The following ANKRD24 variants were observed in gnomAD, a reference collection of about 807,000 sequenced individuals.
ANKRD24 encodes the protein ankyrin repeat domain 24, also known as ankyrin repeat domain-containing protein 24.
A neutral mutation model predicts 127.8 loss-of-function variants in ANKRD24; 109 were observed. That is an observed-to-expected ratio of 0.85 (90% CI 0.73 to 1.00). The LOEUF is 1.00. Ranked by LOEUF, ANKRD24 falls within the 50% of genes least tolerant of loss-of-function variation. The pLI is 0.00. For synonymous variants in ANKRD24, 743 were observed against 671.1 expected, an observed-to-expected ratio of 1.11 and a Z score of -1.66; for missense variants, 1,648 against 1,570.2, an observed-to-expected ratio of 1.05 and a Z score of -0.84.
At chr19:4,222,558 C>T (rs185969460) in intron 19 of ANKRD24, 112 bp from the exon 20 acceptor site, 28 of 1,309,880 alleles carry the variant, frequency 2.1e-5, no homozygotes, top group African/African-American at 8.9e-5. Flanking sequence ...ACCCCAGGGA[C>T]GGGACCTTCC....
intron 2 of ANKRD24, among the ~76,000 whole-genome samples, chr19:4,187,986 C>A (rs553874386): frequency 1.2e-4 from 19 of 152,088 alleles, no homozygotes; most frequent in Non-Finnish European, 2.6e-4. Context: ...GCAGAGAGTG[C>A]GAGTGAGTGG....
Position 4,207,898 on chromosome 19 carries a change from C to T in ANKRD24, c.762C>T (p.Gly254=), listed in dbSNP as rs574271131. The change falls in exon 10 of 22, where the codon GGC becomes GGT. Residue 254 remains glycine (G), a synonymous_variant. Coordinates refer to ENST00000318934, the MANE Select transcript of ANKRD24 (RefSeq NM_001393985.1). ...TGGGGCAGGACGCGGCTCACTATGG[C>T]GCCCTGGCGGGGGACAAACTCATCC... ...DALGQDAAHY[G]ALAGDKLILH... is the part of the protein sequence containing the mutation. The T allele has an allele frequency of 3.5e-5, 54 of 1,556,528 alleles. No individual in the cohort carries two copies. In the Middle Eastern group the frequency reaches 1.0e-3, roughly 29 times the overall value.
In ANKRD24 at chr19:4,198,546, A is replaced by G; in HGVS notation, c.37-1137A>G. 1.8e-6 allele frequency: 1 copy of G among 557,048 alleles called. No homozygotes were observed. The highest frequency in any genetic ancestry group is 2.1e-5 in the South Asian group (1 of 48,228). The allele number at this position is 557,048 out of a possible 1,614,324, so 34.5% of individuals were successfully genotyped here. ...GCCTCCTTCGCGGTAGGGCCCGGGGAGGGGGCGCAGGAGCGGGCGGGGCGC... is the reference window on the plus strand; with the variant it reads ...GCCTCCTTCGCGGTAGGGCCCGGGGGGGGGGCGCAGGAGCGGGCGGGGCGC... On this transcript the variant is annotated intron_variant, in intron 2 of 21. Transcript: ENST00000318934. This position sits in a 1 kb window ranked among gnomAD's most constrained non-coding sequence, Gnocchi z 6.1.
intron 18 of ANKRD24, 111 bp from the exon 19 acceptor site, chr19:4,219,480 T>TA (rs927765333): frequency 3.5e-5 from 47 of 1,332,768 alleles, no homozygotes; most frequent in Middle Eastern, 1.9e-4. Flanking sequence ...GACCCTGTCT[T>TA]AAAAAAAATC....
chr19:4,223,397 A>AT (rs1446284593), intron 20 of ANKRD24, among the ~76,000 whole-genome samples: 55 of 54,808 alleles, frequency 1.0e-3, no homozygotes, highest in African/African-American at 3.6e-3. Flanking sequence ...ATATATATAT[A>AT]TATATTTTTT....
At chr19:4,224,385 T>TGGAGG in intron 21 of ANKRD24, 43 bp from the exon 22 acceptor site, 1 of 1,595,104 alleles carries the variant, frequency 6.3e-7, no homozygotes, top group Non-Finnish European at 8.6e-7. Context: ...GGGGCAGCCA[T>TGGAGG]GGAGGGTATA....
intron 5 of ANKRD24, 84 bp downstream of exon 5, chr19:4,200,255 G>T: frequency 7.2e-7 from 1 of 1,390,784 alleles, no homozygotes; most frequent in Non-Finnish European, 9.7e-7. Context: ...CTGCTCCCAG[G>T]TCTCAATGTT....
intron 2 of ANKRD24, 47 bp downstream of exon 2, chr19:4,186,508 C>G (rs1416705533): frequency 1.3e-6 from 2 of 1,564,954 alleles, no homozygotes; most frequent in Admixed American, 3.7e-5. Context: ...CAACTTCAGC[C>G]TTCTGTCTCC....
rs1022299304 is a variant in ANKRD24 at position 4,198,626 on chromosome 19, C to T, written c.37-1057C>T. On this transcript the variant is annotated intron_variant, in intron 2 of 21. Transcript: ENST00000318934. This position sits in a 1 kb window ranked among gnomAD's most constrained non-coding sequence, Gnocchi z 6.1. ...CCCCGGCTGACCTGGACCACCCCCC[C>T]ATTCCAGACCCGGGAAAGATGGTCG... 9 of 408,082 alleles carry T rather than the reference C, an allele frequency of 2.2e-5. No individual in the cohort carries two copies. Among genetic ancestry groups the T allele is most frequent in the South Asian group, 1.5e-4 (2 of 13,314 alleles). 25.3% of individuals were successfully genotyped at this position (408,082 alleles called of 1,614,324 possible).
chr19:4,189,096 C>A (rs568953178), intron 2 of ANKRD24, among the ~76,000 whole-genome samples: 3 of 152,294 alleles, frequency 2.0e-5, no homozygotes, highest in Non-Finnish European at 4.4e-5. Context: ...AGGCGTGAGC[C>A]ACTGCACTCC....
At chr19:4,187,976 G>A (rs1398111656) in intron 2 of ANKRD24, among the ~76,000 whole-genome samples, 1 of 152,230 alleles carries the variant, frequency 6.6e-6, no homozygotes, top group Non-Finnish European at 1.5e-5. Context: ...CTTGGCAGGA[G>A]CAGAGAGTGC....
At chr19:4,223,401 A>ATATATATT (rs1192232980) in intron 20 of ANKRD24, among the ~76,000 whole-genome samples, 1 of 53,324 alleles carries the variant, frequency 1.9e-5, no homozygotes, top group Non-Finnish European at 3.2e-5. Context: ...ATATATATAT[A>ATATATATT]TTTTTTTTTT....
chr19:4,223,645 A>C (rs1970584831), intron 20 of ANKRD24, among the ~76,000 whole-genome samples: 1 of 149,560 alleles, frequency 6.7e-6, no homozygotes, highest in African/African-American at 2.5e-5. Flanking sequence ...GCTCACTGCA[A>C]CCTCCGCCTC....
At chr19:4,188,002 C>T (rs2145214567) in intron 2 of ANKRD24, among the ~76,000 whole-genome samples, 1 of 152,254 alleles carries the variant, frequency 6.6e-6, no homozygotes, top group South Asian at 2.1e-4. Flanking sequence ...AGTGGGAGCT[C>T]AGGATCTTTG....
rs374456746 is a variant in ANKRD24 at position 4,195,230 on chromosome 19, G to C, written c.37-4453G>C. On this transcript the variant is annotated intron_variant, in intron 2 of 21. Coordinates refer to ENST00000318934, the MANE Select transcript of ANKRD24 (RefSeq NM_001393985.1). This position sits in a 1 kb window ranked among gnomAD's most constrained non-coding sequence, Gnocchi z 4.2. Reference sequence around the variant, plus strand: ...TGGGACTACAGGCGCCCACCACCACGCCCGGCTAATTTTTTGTATTTTTAG... The same window carrying C: ...TGGGACTACAGGCGCCCACCACCACCCCCGGCTAATTTTTTGTATTTTTAG... 8.5e-5 allele frequency among the ~76,000 whole-genome samples: 13 copies of C among 152,048 alleles called. No individual in the cohort carries two copies. The highest frequency in any genetic ancestry group is 3.1e-4 in the African/African-American group (13 of 41,504).
At chr19:4,184,277 C>A (rs1287897889) in intron 1 of ANKRD24, among the ~76,000 whole-genome samples, 3 of 152,106 alleles carry the variant, frequency 2.0e-5, no homozygotes, top group African/African-American at 7.2e-5. Context: ...GGCACTGTGG[C>A]CGGGAGCTCG....
rs1438881403 is a variant in ANKRD24 at position 4,210,248 on chromosome 19, G to C, written c.952-17G>C. ...ACCTTAGGCCCCATCTAAAGGCCGTGGTGGGGAGGGGAACAGGATGATCGA... is the reference window on the plus strand; with the variant it reads ...ACCTTAGGCCCCATCTAAAGGCCGTCGTGGGGAGGGGAACAGGATGATCGA... On this transcript the variant is annotated splice_polypyrimidine_tract_variant and intron_variant, in intron 12 of 21. Coordinates refer to ENST00000318934, the MANE Select transcript of ANKRD24 (RefSeq NM_001393985.1). 12 of 1,571,252 alleles carry C rather than the reference G, an allele frequency of 7.6e-6. No homozygotes were observed. Among genetic ancestry groups the C allele is most frequent in the Non-Finnish European group, 1.0e-5 (12 of 1,157,740 alleles).
intron 13 of ANKRD24, 30 bp from the exon 14 acceptor site, chr19:4,212,445 C>A: frequency 6.4e-7 from 1 of 1,572,988 alleles, no homozygotes; most frequent in South Asian, 1.2e-5. Context: ...TTGCCCAGAT[C>A]CAAACCCCTG....
intron 6 of ANKRD24, 82 bp from the exon 7 acceptor site, chr19:4,202,787 G>A (rs1451875509): frequency 2.1e-6 from 3 of 1,437,100 alleles, no homozygotes; most frequent in Non-Finnish European, 2.9e-6. Flanking sequence ...GTATAGCAGA[G>A]CCCAGGGTAG....
Sources: allele counts gnomAD v4.1 joint callset (sites outside exome capture counted in the v4.1 genomes callset), GRCh38; gene constraint gnomAD v4.1.1; non-coding constraint Gnocchi (gnomAD v3.1); transcripts MANE v1.5; gene names NCBI Gene and HGNC (gene_info 2026-07-23, HGNC 2026-07-21).